EYS: variants seen among roughly 807,000 people sequenced by gnomAD.
EYS encodes the protein protein eyes shut homolog.
EYS carries 250 observed loss-of-function variants against 282.1 expected under a neutral mutation model. The ratio of observed to expected loss-of-function variants is 0.89; its 90% CI spans 0.80 to 0.98. The LOEUF is 0.98. EYS is among the 50% of genes least tolerant of loss of function. The pLI, the probability that EYS is intolerant of heterozygous loss-of-function variation, is 0.00. For missense variants in EYS, 4,016 were observed against 3,709.0 expected (o/e 1.08, Z -2.15); for synonymous variants, 1,355 against 1,282.9 (o/e 1.06, Z -1.20).
chr6:65,608,062 T>C (rs1341955881), intron 2 of EYS, among the ~76,000 whole-genome samples: 1 of 152,036 alleles, frequency 6.6e-6, no homozygotes, highest in Non-Finnish European at 1.5e-5. Context: ...TAGAATGATA[T>C]AGATAAGTGT....
At chr6:65,467,439 T>TA (rs202220187) in intron 5 of EYS, among the ~76,000 whole-genome samples, 2,785 of 150,898 alleles carry the variant, frequency 0.018, 78 homozygotes, top group African/African-American at 0.063. Flanking sequence ...CTAACAGTTA[T>TA]AAAAAAAAAT....
chr6:65,559,904 A>G (rs1356012607), intron 2 of EYS, among the ~76,000 whole-genome samples: 1 of 151,608 alleles, frequency 6.6e-6, no homozygotes. Flanking sequence ...TGAATTTTAA[A>G]AATTAGTTCA....
intron 22 of EYS, among the ~76,000 whole-genome samples, chr6:64,773,343 G>A (rs1773581797): frequency 6.6e-6 from 1 of 151,738 alleles, no homozygotes; most frequent in Non-Finnish European, 1.5e-5. Context: ...AATATTCCAT[G>A]GTATATATGT....
At chr6:64,712,150 C>T (rs755504705) in intron 22 of EYS, among the ~76,000 whole-genome samples, 5 of 152,142 alleles carry the variant, frequency 3.3e-5, no homozygotes, top group Non-Finnish European at 5.9e-5. Context: ...ATTTGGCTGC[C>T]TCCTGCTACT....
chr6:64,126,840 T>TAC (rs920433659), intron 31 of EYS, among the ~76,000 whole-genome samples: 8 of 151,704 alleles, frequency 5.3e-5, no homozygotes, highest in African/African-American at 1.9e-4. Flanking sequence ...AATACATATA[T>TAC]ACACACACAC....
intron 2 of EYS, among the ~76,000 whole-genome samples, chr6:65,616,988 C>T (rs1000036366): frequency 1.3e-5 from 2 of 151,972 alleles, no homozygotes; most frequent in African/African-American, 4.8e-5. Flanking sequence ...AACATTAAAA[C>T]AAATAAAAAT....
At chr6:64,768,398 A>C (rs535230767) in intron 22 of EYS, among the ~76,000 whole-genome samples, 65 of 152,322 alleles carry the variant, frequency 4.3e-4, no homozygotes, top group Non-Finnish European at 8.2e-4. Flanking sequence ...CAAGATGGAC[A>C]GGGGTGATGA....
chr6:64,402,422 C>T (rs1773562436), intron 28 of EYS, among the ~76,000 whole-genome samples: 1 of 152,152 alleles, frequency 6.6e-6, no homozygotes, highest in African/African-American at 2.4e-5. Context: ...ATAGGAAAAA[C>T]TGTGTTCCTA....
At chr6:65,697,386 T>C (rs902398821) in intron 1 of EYS, among the ~76,000 whole-genome samples, 1 of 152,090 alleles carries the variant, frequency 6.6e-6, no homozygotes, top group Non-Finnish European at 1.5e-5. Context: ...GTCCACATGA[T>C]CATCAAGGCT....
At chr6:64,985,990 C>G (rs1362515444) in intron 14 of EYS, among the ~76,000 whole-genome samples, 1 of 151,480 alleles carries the variant, frequency 6.6e-6, no homozygotes, top group African/African-American at 2.4e-5. Context: ...TCTCCATACT[C>G]ATATCTCAAT....
At chr6:64,125,276 G>GA (rs1417890134) in intron 31 of EYS, among the ~76,000 whole-genome samples, 1 of 152,114 alleles carries the variant, frequency 6.6e-6, no homozygotes, top group African/African-American at 2.4e-5. Context: ...AAAACATCTT[G>GA]AGAGTGCAGG....
intron 30 of EYS, among the ~76,000 whole-genome samples, chr6:64,256,671 T>C (rs1471045746): frequency 6.6e-6 from 1 of 152,070 alleles, no homozygotes; most frequent in Non-Finnish European, 1.5e-5. Flanking sequence ...GTATGATGCC[T>C]ATCTACAGAG....
At chr6:64,669,505 G>A (rs995941488) in intron 22 of EYS, among the ~76,000 whole-genome samples, 2 of 152,248 alleles carry the variant, frequency 1.3e-5, no homozygotes, top group African/African-American at 4.8e-5. Context: ...TGAGAGTACT[G>A]GGGAGAAAAG....
At chr6:64,354,913 G>A (rs116428327) in intron 29 of EYS, among the ~76,000 whole-genome samples, 4,719 of 151,524 alleles carry the variant, frequency 0.031, 232 homozygotes, top group African/African-American at 0.11. Context: ...CAGCTGAAAT[G>A]TAGGAGCCCT....
rs552959469 is a variant in EYS, at chr6:65,692,296, C to T, written c.-448+14839G>A. ...GAGGTGACGAATGAGAAATTACCAA[C>T]GGGTACAAAGTACAGTATTTGGGTG... On this transcript the variant is annotated intron_variant, in intron 1 of 42. Transcript: ENST00000503581. Among the ~76,000 whole-genome samples the T allele has an allele frequency of 1.7e-4, 26 of 150,004 alleles. 2 individuals are homozygous for T. The highest frequency in any genetic ancestry group is 4.3e-4 in the South Asian group (2 of 4,678).
intron 22 of EYS, among the ~76,000 whole-genome samples, chr6:64,804,381 T>C (rs1764360381): frequency 6.6e-6 from 1 of 152,154 alleles, no homozygotes; most frequent in Admixed American, 6.5e-5. Flanking sequence ...CATATAACAA[T>C]TCACTTTTAT....
intron 15 of EYS, among the ~76,000 whole-genome samples, chr6:64,927,572 A>G (rs1768558428): frequency 6.6e-6 from 1 of 152,118 alleles, no homozygotes; most frequent in Non-Finnish European, 1.5e-5. Flanking sequence ...CCCTTTCATC[A>G]CTGATTTGGC....
At chr6:65,322,467 A>G (rs1261172199) in intron 11 of EYS, among the ~76,000 whole-genome samples, 1 of 152,144 alleles carries the variant, frequency 6.6e-6, no homozygotes, top group East Asian at 1.9e-4. Flanking sequence ...CTGGTTATGC[A>G]GCAGGAATAT....
chr6:64,757,829 G>A (rs1183883397), intron 22 of EYS, among the ~76,000 whole-genome samples: 1 of 150,624 alleles, frequency 6.6e-6, no homozygotes, highest in African/African-American at 2.4e-5. Context: ...CTGTCGCCCA[G>A]GCAGAAGTGC....
Sources: allele counts gnomAD v4.1 joint callset (sites outside exome capture counted in the v4.1 genomes callset), GRCh38; gene constraint gnomAD v4.1.1; transcripts MANE v1.5; gene names NCBI Gene and HGNC (gene_info 2026-07-23, HGNC 2026-07-21).